Variants in FBXO7 observed in about 807,000 individuals in gnomAD.
The protein encoded by FBXO7 is F-box protein 7.
In FBXO7, 31 loss-of-function variants were observed where a neutral mutation model predicts 50.2. The ratio of observed to expected loss-of-function variants is 0.62; its 90% CI spans 0.46 to 0.83. FBXO7 has a LOEUF of 0.83. Ranked by LOEUF, FBXO7 falls within the 40% of genes least tolerant of loss-of-function variation. FBXO7 has a pLI of 0.00. For synonymous variants in FBXO7, 256 were observed against 253.1 expected, an observed-to-expected ratio of 1.01 and a Z score of -0.11; for missense variants, 667 against 646.6, an observed-to-expected ratio of 1.03 and a Z score of -0.34.
intron 5 of FBXO7, chr22:32,489,818 T>G (rs1418287121): frequency 1.3e-5 from 2 of 152,240 alleles, no homozygotes; most frequent in African/African-American, 4.8e-5. Context: ...TTTAATGAAT[T>G]TTTACTGTGG....
At chr22:32,497,806 A>G (rs780410168) in intron 8 of FBXO7, among the ~76,000 whole-genome samples, 76 of 152,378 alleles carry the variant, frequency 5.0e-4, no homozygotes, top group Non-Finnish European at 5.4e-4. Flanking sequence ...TGTCAGCAGC[A>G]ACGAACATGG....
chr22:32,482,959 C>CT (rs1284424198), intron 2 of FBXO7, among the ~76,000 whole-genome samples: 3 of 152,314 alleles, frequency 2.0e-5, no homozygotes, highest in Admixed American at 6.5e-5. Context: ...TGTGTTACCT[C>CT]TTTTGAAGAA....
At chr22:32,484,483 G>A (rs1305908075) in intron 3 of FBXO7, among the ~76,000 whole-genome samples, 1 of 152,172 alleles carries the variant, frequency 6.6e-6, no homozygotes, top group Non-Finnish European at 1.5e-5. Context: ...AAGATACAGA[G>A]TAGTTCGGTG....
At position 32,482,524 on chromosome 22, in the gene FBXO7, A is replaced by G. The variant is rs180978864; in HGVS notation, c.418-1373A>G. Among the ~76,000 whole-genome samples, 638 of 152,306 alleles carry G rather than the reference A, an allele frequency of 4.2e-3. 1 individual carries two copies. The highest frequency in any genetic ancestry group is 6.8e-3 in the Middle Eastern group (2 of 294). ...AGGTAACTTAGTTTTTTTTGAAGCCATGTATTACATCTCAAAGCCCTGAAC... is the reference window on the plus strand; with the variant it reads ...AGGTAACTTAGTTTTTTTTGAAGCCGTGTATTACATCTCAAAGCCCTGAAC... On this transcript the variant is annotated intron_variant, in intron 2 of 8. Coordinates refer to ENST00000266087, the MANE Select transcript of FBXO7 (RefSeq NM_012179.4).
chr22:32,484,293 G>C (rs2057484553), intron 3 of FBXO7, among the ~76,000 whole-genome samples, 169 bp downstream of exon 3: 1 of 152,202 alleles, frequency 6.6e-6, no homozygotes. Context: ...TAGGATGCCA[G>C]GAATTCATGG....
In FBXO7 at chr22:32,476,464, G is replaced by A. The variant is rs115193279; in HGVS notation, c.122+1340G>A. On this transcript the variant is annotated intron_variant, in intron 1 of 8. Transcript: ENST00000266087. The stretch of plus-strand genomic sequence containing the variant: ...TCAATATGACTGCCCAAAAGGGCAC[G>A]TTGGTTTCTCTTTCAGATTTCTTTT... 9.7e-3 allele frequency among the ~76,000 whole-genome samples: 1,479 copies of A among 152,270 alleles called. 23 individuals carry two copies. The highest frequency in any genetic ancestry group is 0.034 in the African/African-American group (1,408 of 41,546).
chr22:32,495,119 G>A (rs1255385671), intron 7 of FBXO7, among the ~76,000 whole-genome samples: 2 of 152,150 alleles, frequency 1.3e-5, no homozygotes, highest in Non-Finnish European at 2.9e-5. Context: ...TGCCCAGTTT[G>A]GTGTAACGTG....
chr22:32,477,155 T>C (rs1054946994), intron 1 of FBXO7, among the ~76,000 whole-genome samples: 3 of 152,238 alleles, frequency 2.0e-5, no homozygotes, highest in African/African-American at 7.2e-5. Context: ...GCAGGGCCAC[T>C]TGTTTTCTAG....
In FBXO7 at chr22:32,484,005, G is replaced by C; in HGVS notation, c.526G>C (p.Glu176Gln). 6.2e-7 allele frequency: 1 copy of C among 1,614,186 alleles called. No homozygotes were observed. The highest frequency in any genetic ancestry group is 8.5e-7 in the Non-Finnish European group (1 of 1,180,012). The change falls in exon 3 of 9, where the codon GAA becomes CAA. Residue 176 changes from glutamate (E) to glutamine (Q), a missense_variant. Coordinates refer to ENST00000266087, the MANE Select transcript of FBXO7 (RefSeq NM_012179.4). ...ACCCATGCTCTGTAGTGAATCGGTG[G>C]AAGGGCAAGTGCCACATTCATTAGA... ...SEPMLCSESV[E>Q]GQVPHSLETL... is the part of the protein sequence containing the mutation.
At chr22:32,476,834 G>A (rs1375228029) in intron 1 of FBXO7, among the ~76,000 whole-genome samples, 1 of 152,086 alleles carries the variant, frequency 6.6e-6, no homozygotes. Context: ...TCCTCTTAAC[G>A]CCCCAATTTC....
intron 1 of FBXO7, among the ~76,000 whole-genome samples, chr22:32,477,561 A>G (rs1408002643): frequency 1.3e-5 from 2 of 152,184 alleles, no homozygotes; most frequent in Admixed American, 1.3e-4. Flanking sequence ...GGTTTGCGCT[A>G]TGTTCCACTA....
In FBXO7 at chr22:32,498,592, C is replaced by T; in HGVS notation, c.*62C>T. The T allele has an allele frequency of 6.5e-7, 1 of 1,541,728 alleles. No individual in the cohort carries two copies. Among genetic ancestry groups the T allele is most frequent in the African/African-American group, 1.4e-5 (1 of 73,734 alleles). On this transcript the variant is annotated 3_prime_UTR_variant, in exon 9 of 9. Transcript: ENST00000266087. ...TTTGTTTCTAAACTACAGATGTCAA[C>T]TCCTTGGGGTGCTGATCTCGAGTGT... is the stretch of plus-strand genomic sequence containing the variant.
intron 4 of FBXO7, among the ~76,000 whole-genome samples, chr22:32,485,724 T>G (rs1568975275): frequency 6.6e-6 from 1 of 152,184 alleles, no homozygotes; most frequent in Non-Finnish European, 1.5e-5. Context: ...TGTGTTTTAT[T>G]TGCTGGGCCT....
chr22:32,498,165 C>A lies in FBXO7; in HGVS notation c.1204C>A (p.Gln402Lys). The change falls in exon 9 of 9, where the codon CAA (glutamine) becomes AAA (lysine). Residue 402 changes from glutamine to lysine, a missense_variant. Gln to Lys is a moderately conservative substitution (Grantham distance 53). Transcript: ENST00000266087. Reference protein sequence around the residue: ...WKELYRKRHIQRKESPKGRFV... With the variant: ...WKELYRKRHIKRKESPKGRFV... ...ACAGCTGTACAGGAAGAGGCACATA[C>A]AAAGAAAAGAATCCCCGAAAGGGCG... is the stretch of plus-strand genomic sequence containing the variant. 5 of 1,614,154 alleles carry A rather than the reference C, an allele frequency of 3.1e-6. No homozygotes were observed. The South Asian group carries it at 4.4e-5, about 14-fold the overall frequency.
At chr22:32,495,368 GTTT>G in intron 7 of FBXO7, 122 bp from the exon 8 acceptor site, 61 of 502,292 alleles carry the variant, frequency 1.2e-4, no homozygotes, top group South Asian at 2.5e-4. Flanking sequence ...TAAATGGTTA[GTTT>G]TTTTTTTTTT....
intron 7 of FBXO7, among the ~76,000 whole-genome samples, chr22:32,494,782 C>T (rs993305770): frequency 4.6e-5 from 7 of 152,108 alleles, no homozygotes; most frequent in Admixed American, 2.6e-4. Flanking sequence ...GTAAGCTGTT[C>T]AGATTTTTCT....
chr22:32,495,631 A>G (rs2057569283), intron 8 of FBXO7, 101 bp downstream of exon 8: 2 of 528,146 alleles, frequency 3.8e-6, no homozygotes, highest in Admixed American at 7.2e-5. Flanking sequence ...ATGTAGTGAA[A>G]TCTGTTTTAA....
intron 2 of FBXO7, among the ~76,000 whole-genome samples, chr22:32,482,359 C>T (rs573509001): frequency 1.2e-4 from 18 of 152,358 alleles, no homozygotes; most frequent in African/African-American, 4.3e-4. Flanking sequence ...CCCTCCATTT[C>T]TCCAACCTTT....
chr22:32,487,683 AAAAG>A, intron 4 of FBXO7, 58 bp from the exon 5 acceptor site: 3 of 1,082,972 alleles, frequency 2.8e-6, no homozygotes, highest in South Asian at 2.6e-5. Context: ...CCCATACTAA[AAAAG>A]AAAGGCAGTT....
Sources: allele counts gnomAD v4.1 joint callset (sites outside exome capture counted in the v4.1 genomes callset), GRCh38; gene constraint gnomAD v4.1.1; transcripts MANE v1.5; gene names NCBI Gene and HGNC (gene_info 2026-07-23, HGNC 2026-07-21).